The following PPFIBP1 variants were observed in gnomAD, a reference collection of about 807,000 sequenced individuals.
PPFIBP1 encodes PPFIB scaffold protein 1, also known as liprin-beta-1.
Under a neutral mutation model 137.8 loss-of-function variants are expected in PPFIBP1, and 112 were observed. That is an observed-to-expected ratio of 0.81 (90% CI 0.70 to 0.95). The LOEUF (loss-of-function observed/expected upper bound fraction) is 0.95, where lower values mean the gene tolerates loss of function less well. Among genes scored for constraint, PPFIBP1 ranks in the 40% least tolerant of loss-of-function variants. The probability of loss-of-function intolerance (pLI) is 0.00; values close to 1 mark genes in which losing one functional copy is unlikely to be tolerated. For missense variants in PPFIBP1, 1,083 were observed against 1,196.6 expected (o/e 0.91, Z 1.40); for synonymous variants, 378 against 417.3 (o/e 0.91, Z 1.15).
At chr12:27,596,071 T>TACACACACACACACACAC (rs376577510) in intron 2 of PPFIBP1, among the ~76,000 whole-genome samples, 23 of 130,772 alleles carry the variant, frequency 1.8e-4, no homozygotes, top group African/African-American at 5.2e-4. Flanking sequence ...TGGGTATAAA[T>TACACACACACACACACAC]ACACACACAC....
At chr12:27,652,810 G>A (rs1488009146) in intron 7 of PPFIBP1, among the ~76,000 whole-genome samples, 1 of 152,138 alleles carries the variant, frequency 6.6e-6, no homozygotes, top group Non-Finnish European at 1.5e-5. Context: ...TCATATTGAT[G>A]AATATCACTA....
At chr12:27,636,961 C>T (rs1405445443) in intron 4 of PPFIBP1, 6 of 152,230 alleles carry the variant, frequency 3.9e-5, no homozygotes, top group Non-Finnish European at 7.3e-5. Flanking sequence ...AGCTCTTTCG[C>T]CAGATATTTG....
At chr12:27,667,104 T>G (rs1461266566) in intron 12 of PPFIBP1, 62 bp from the exon 13 acceptor site, 7 of 1,410,170 alleles carry the variant, frequency 5.0e-6, no homozygotes, top group Non-Finnish European at 6.6e-6. Context: ...CTTATCTTCT[T>G]GTAAAAGTGA....
intron 24 of PPFIBP1, among the ~76,000 whole-genome samples, chr12:27,685,523 G>C (rs1225288335): frequency 6.6e-6 from 1 of 152,050 alleles, no homozygotes; most frequent in Non-Finnish European, 1.5e-5. Context: ...CTCTAAGTGT[G>C]AGTATGTTCC....
At chr12:27,642,139 T>C (rs2058155753) in intron 4 of PPFIBP1, among the ~76,000 whole-genome samples, 1 of 152,200 alleles carries the variant, frequency 6.6e-6, no homozygotes, top group Non-Finnish European at 1.5e-5. Flanking sequence ...GCGTTTTAGA[T>C]GTGTTTCTCC....
chr12:27,688,928 A>G (rs2061353585), intron 26 of PPFIBP1, 87 bp from the exon 27 acceptor site: 1 of 1,355,590 alleles, frequency 7.4e-7, no homozygotes, highest in Non-Finnish European at 1.0e-6. Context: ...ATAACCTAAG[A>G]GAAAGCTTTG....
chr12:27,640,926 T>G (rs7959948), intron 4 of PPFIBP1, among the ~76,000 whole-genome samples: 37,857 of 152,088 alleles, frequency 0.25, 4,952 homozygotes, highest in East Asian at 0.29. Context: ...AGTAATTATT[T>G]CTTTTGGTAA....
intron 1 of PPFIBP1, among the ~76,000 whole-genome samples, chr12:27,570,515 A>G (rs2050048857): frequency 1.3e-5 from 2 of 152,140 alleles, no homozygotes; most frequent in Admixed American, 1.3e-4. Context: ...TAAAGTACAG[A>G]TAAACAAAAT....
chr12:27,620,836 G>A (rs149443653), intron 2 of PPFIBP1, among the ~76,000 whole-genome samples: 4 of 152,218 alleles, frequency 2.6e-5, no homozygotes, highest in Non-Finnish European at 4.4e-5. Flanking sequence ...TGCTTGCTTC[G>A]TTATTTTTCC....
At chr12:27,593,259 C>T (rs890553611) in intron 2 of PPFIBP1, 2 of 238,750 alleles carry the variant, frequency 8.4e-6, no homozygotes. Flanking sequence ...CCTAAAACTC[C>T]ACCCTGACTC....
Position 27,625,291 on chromosome 12 carries a change from T to C in PPFIBP1, c.-35-8071T>C, listed in dbSNP as rs1399778487. Among the ~76,000 whole-genome samples the C allele has an allele frequency of 2.0e-5, 3 of 152,302 alleles. No homozygotes were observed. The East Asian group carries it at 5.8e-4, about 29-fold the overall frequency. ...TGGATAGAATAGTATAGTGTACCCC[T>C]ACATACCACCACCCATTTTCAACAA... On this transcript the variant is annotated intron_variant, in intron 2 of 29. Transcript: ENST00000228425.
intron 27 of PPFIBP1, among the ~76,000 whole-genome samples, chr12:27,691,089 G>A (rs938591854): frequency 2.7e-5 from 4 of 148,436 alleles, no homozygotes; most frequent in African/African-American, 5.0e-5. Flanking sequence ...TATCACTGAT[G>A]TTTCCTCTCC....
chr12:27,535,698 G>A (rs1029257538), intron 1 of PPFIBP1, among the ~76,000 whole-genome samples: 2 of 152,190 alleles, frequency 1.3e-5, no homozygotes, highest in Admixed American at 1.3e-4. Context: ...TGCGCCCAGT[G>A]CAATGCTGGC....
intron 19 of PPFIBP1, 38 bp from the exon 20 acceptor site, chr12:27,679,451 T>G: frequency 6.4e-7 from 1 of 1,572,544 alleles, no homozygotes; most frequent in Non-Finnish European, 8.6e-7. Flanking sequence ...TTATTCCATA[T>G]TTTAAAATTC....
intron 18 of PPFIBP1, 60 bp downstream of exon 18, chr12:27,676,659 C>A: frequency 1.5e-6 from 2 of 1,309,622 alleles, no homozygotes; most frequent in South Asian, 2.9e-5. Context: ...AGAGCAGTGT[C>A]TTCCCTTCCC....
chr12:27,597,255 C>A (rs1307910214), intron 2 of PPFIBP1, among the ~76,000 whole-genome samples: 12 of 152,038 alleles, frequency 7.9e-5, no homozygotes, highest in Admixed American at 7.2e-4. Context: ...GCAACCTCCG[C>A]CTCCCGGGTT....
At chr12:27,670,725 G>A (rs2060125548) in intron 13 of PPFIBP1, among the ~76,000 whole-genome samples, 1 of 151,404 alleles carries the variant, frequency 6.6e-6, no homozygotes, top group Admixed American at 6.6e-5. Context: ...GCTGCAGTGA[G>A]CCATGATCGC....
At chr12:27,667,004 G>A (rs2059897952) in intron 12 of PPFIBP1, among the ~76,000 whole-genome samples, 162 bp from the exon 13 acceptor site, 1 of 1,744 alleles carries the variant, frequency 5.7e-4, no homozygotes, top group African/African-American at 1.7e-3. Flanking sequence ...TGTTTCCTAG[G>A]TCCTATGTTG....
At chr12:27,632,827 A>G (rs541092162) in intron 2 of PPFIBP1, among the ~76,000 whole-genome samples, 3 of 152,188 alleles carry the variant, frequency 2.0e-5, no homozygotes, top group Non-Finnish European at 4.4e-5. Context: ...TGGCTCCACT[A>G]CAAAATGTTT....
Sources: gnomAD v4.1 joint callset for allele counts (sites outside exome capture counted in the v4.1 genomes callset) on GRCh38, gnomAD v4.1.1 for gene constraint, MANE v1.5 for transcripts, NCBI Gene and HGNC (gene_info 2026-07-23, HGNC 2026-07-21) for gene names.